CABLES1: variants seen among roughly 807,000 people sequenced by gnomAD.
CABLES1 encodes the protein Cdk5 and Abl enzyme substrate 1.
A neutral mutation model predicts 57.8 loss-of-function variants in CABLES1; 36 were observed. The observed-to-expected ratio is 0.62, with a 90% CI of 0.48 to 0.82. The LOEUF is 0.82. CABLES1 is among the 40% of genes least tolerant of loss of function. CABLES1 has a pLI of 0.00. For synonymous variants in CABLES1, 374 were observed against 363.0 expected, an observed-to-expected ratio of 1.03 and a Z score of -0.35; for missense variants, 767 against 836.6, an observed-to-expected ratio of 0.92 and a Z score of 1.03.
intron 1 of CABLES1, among the ~76,000 whole-genome samples, chr18:23,150,207 G>GTTTTTTTGTTTTTTT (rs1555658965): frequency 2.8e-5 from 3 of 106,674 alleles, no homozygotes; most frequent in African/African-American, 1.2e-4. Context: ...GTTGGTGTTT[G>GTTTTTTTGTTTTTTT]TTTTTTTTTT....
At chr18:23,219,231 C>T (rs1330602665) in intron 4 of CABLES1, 5 of 454,136 alleles carry the variant, frequency 1.1e-5, no homozygotes, top group South Asian at 6.2e-5. Flanking sequence ...AGCCTACTCT[C>T]CGTGCCATCC....
At chr18:23,199,961 C>T (rs542250902) in intron 3 of CABLES1, among the ~76,000 whole-genome samples, 26 of 152,234 alleles carry the variant, frequency 1.7e-4, no homozygotes, top group Middle Eastern at 3.4e-3. Flanking sequence ...GATGATGGTA[C>T]GGGTTCAGCA....
Position 23,234,602 on chromosome 18 carries a change from T to G in CABLES1, c.1089-6T>G. On this transcript the variant is annotated splice_polypyrimidine_tract_variant and splice_region_variant and intron_variant, in intron 4 of 9. Transcript: ENST00000256925. The stretch of plus-strand genomic sequence containing the variant: ...CATTTTTTTTTCCTCTGACTTGTCC[T>G]CCCAGGGACTTGAAGTTGGACGGAG... 6.2e-7 allele frequency: 1 copy of G among 1,611,666 alleles called. No homozygotes were observed. Among genetic ancestry groups the G allele is most frequent in the Middle Eastern group, 1.7e-4 (1 of 6,056 alleles).
chr18:23,217,709 G>C (rs567334740), intron 4 of CABLES1, among the ~76,000 whole-genome samples: 1 of 152,148 alleles, frequency 6.6e-6, no homozygotes, highest in Non-Finnish European at 1.5e-5. Context: ...GTAAATATAC[G>C]AATAAATATA....
intron 1 of CABLES1, among the ~76,000 whole-genome samples, chr18:23,151,058 G>A (rs1338297205): frequency 7.8e-6 from 1 of 128,808 alleles, no homozygotes; most frequent in South Asian, 2.6e-4. Context: ...TCGCTCTGTT[G>A]CCCAGGCTGG....
rs1312484381 is a variant in CABLES1 at position 23,213,977 on chromosome 18, A to T, written c.1011A>T (p.Arg337Ser). Residue 337 changes from arginine (R) to serine (S), a missense_variant and splice_region_variant, in exon 4 of 10, where the codon AGA (arginine) becomes AGT (serine). Arg to Ser is a moderately radical substitution (Grantham distance 110, BLOSUM62 -1). This residue lies in a region of CABLES1 where 529 missense variants were observed against 622.8 expected (regional missense o/e 0.85). Transcript: ENST00000256925. ...NMRQHDTRNG[R>S]IVLISGRRSF... ...GTTTGTTCTTCTTTTTATTTTTTAG[A>T]ATAGTCCTTATCAGTGGCAGAAGAT... is the stretch of plus-strand genomic sequence containing the variant. 6.3e-7 allele frequency: 1 copy of T among 1,589,976 alleles called. No individual in the cohort carries two copies. Among genetic ancestry groups the T allele is most frequent in the South Asian group, 1.1e-5 (1 of 88,010 alleles).
intron 1 of CABLES1, among the ~76,000 whole-genome samples, chr18:23,148,581 G>A (rs1472034570): frequency 6.6e-6 from 1 of 152,226 alleles, no homozygotes; most frequent in Non-Finnish European, 1.5e-5. Flanking sequence ...AGAGATAAAT[G>A]GGGCCCAGTG....
chr18:23,246,454 A>T (rs554935588), intron 7 of CABLES1, among the ~76,000 whole-genome samples: 4 of 151,688 alleles, frequency 2.6e-5, no homozygotes, highest in Non-Finnish European at 5.9e-5. Flanking sequence ...TGCAGTGGCA[A>T]GATCTTGGCT....
intron 4 of CABLES1, among the ~76,000 whole-genome samples, chr18:23,226,584 G>A (rs1477934971): frequency 6.6e-6 from 1 of 152,080 alleles, no homozygotes; most frequent in Admixed American, 6.6e-5. Flanking sequence ...GCCTTGGGTA[G>A]GCTAATCTCC....
chr18:23,189,617 C>T (rs73968816), intron 2 of CABLES1, among the ~76,000 whole-genome samples: 140 of 152,324 alleles, frequency 9.2e-4, no homozygotes, highest in African/African-American at 3.1e-3. Context: ...ACAGGGGCTT[C>T]CCGGGGACTG....
intron 1 of CABLES1, among the ~76,000 whole-genome samples, chr18:23,185,575 G>A (rs1369204885): frequency 6.6e-6 from 1 of 152,094 alleles, no homozygotes; most frequent in Non-Finnish European, 1.5e-5. Context: ...CATCTGTGCT[G>A]CCCGAAGAGC....
intron 7 of CABLES1, among the ~76,000 whole-genome samples, 180 bp from the exon 8 acceptor site, chr18:23,252,780 C>T (rs913295780): frequency 1.1e-4 from 17 of 152,212 alleles, no homozygotes; most frequent in African/African-American, 4.1e-4. Context: ...TTCCGTTCGC[C>T]TCCAGAAGGC....
chr18:23,223,426 A>G (rs1325062094), intron 4 of CABLES1, among the ~76,000 whole-genome samples: 1 of 151,836 alleles, frequency 6.6e-6, no homozygotes, highest in South Asian at 2.1e-4. Flanking sequence ...AAAATACAAA[A>G]AATTAGCCGG....
At chr18:23,138,932 A>T (rs968836462) in intron 1 of CABLES1, among the ~76,000 whole-genome samples, 3 of 152,038 alleles carry the variant, frequency 2.0e-5, no homozygotes, top group African/African-American at 7.2e-5. Flanking sequence ...AGAAATGCAG[A>T]CTCTTCCCTA....
intron 1 of CABLES1, among the ~76,000 whole-genome samples, chr18:23,179,002 T>A (rs908572347): frequency 3.3e-5 from 5 of 152,192 alleles, no homozygotes; most frequent in Non-Finnish European, 7.3e-5. Flanking sequence ...AACCAGTTTC[T>A]TGGCCGGGCG....
At chr18:23,247,651 C>T (rs1598873037) in intron 7 of CABLES1, among the ~76,000 whole-genome samples, 1 of 152,214 alleles carries the variant, frequency 6.6e-6, no homozygotes, top group Non-Finnish European at 1.5e-5. Flanking sequence ...TGCACTGGGC[C>T]GCCGGGCACC....
At position 23,164,023 on chromosome 18, in the gene CABLES1, T is replaced by G. The variant is rs567167646; in HGVS notation, c.846-24815T>G. 4.6e-5 allele frequency among the ~76,000 whole-genome samples: 7 copies of G among 152,350 alleles called. No individual in the cohort carries two copies. The East Asian group carries it at 1.2e-3, about 25-fold the overall frequency. ...CAAAAATCCCAGCACTGAGAACTTA[T>G]GTGGGTTCCAGGATCAGGTTCCTAA... is the stretch of plus-strand genomic sequence containing the variant. On this transcript the variant is annotated intron_variant, in intron 1 of 9. Transcript: ENST00000256925.
chr18:23,155,438 A>G (rs552893668), intron 1 of CABLES1, among the ~76,000 whole-genome samples: 2 of 152,332 alleles, frequency 1.3e-5, no homozygotes, highest in East Asian at 1.9e-4. Context: ...AAAATAATGC[A>G]TATTATAGAC....
intron 3 of CABLES1, among the ~76,000 whole-genome samples, chr18:23,201,044 G>A (rs1206740199): frequency 6.6e-6 from 1 of 152,202 alleles, no homozygotes; most frequent in African/African-American, 2.4e-5. Flanking sequence ...CTAAAAGCAG[G>A]GAGAGCAGAA....
Sources: allele counts gnomAD v4.1 joint callset (sites outside exome capture counted in the v4.1 genomes callset), GRCh38; gene constraint gnomAD v4.1.1; regional missense constraint gnomAD v4.1.1; transcripts MANE v1.5; gene names NCBI Gene and HGNC (gene_info 2026-07-23, HGNC 2026-07-21).